Variants in LDAH observed in about 807,000 individuals in gnomAD.
LDAH encodes lipid droplet associated hydrolase.
LDAH carries 26 observed loss-of-function variants against 29.6 expected under a neutral mutation model. The observed-to-expected ratio is 0.88, with a 90% CI of 0.64 to 1.22. The LOEUF is 1.22. LDAH is among the 50% of genes most tolerant of loss of function. The pLI is 0.00. For missense variants in LDAH, 344 were observed against 387.3 expected, an observed-to-expected ratio of 0.89 and a Z score of 0.94; for synonymous variants, 117 against 133.0, an observed-to-expected ratio of 0.88 and a Z score of 0.83.
At chr2:20,785,263 G>A (rs1558476489) in intron 3 of LDAH, among the ~76,000 whole-genome samples, 2 of 152,066 alleles carry the variant, frequency 1.3e-5, no homozygotes, top group African/African-American at 2.4e-5. Context: ...CTCAGCTGCT[G>A]TTGGTCTGAA....
chr2:20,754,588 G>T (rs1035597211), intron 4 of LDAH, among the ~76,000 whole-genome samples: 1 of 150,992 alleles, frequency 6.6e-6, no homozygotes, highest in African/African-American at 2.4e-5. Context: ...TTAGGTGATT[G>T]AAATTAATAT....
In LDAH at chr2:20,686,760, G is replaced by T. The variant is rs191341965; in HGVS notation, c.*143C>A. 4.4e-6 allele frequency: 3 copies of T among 688,900 alleles called. No homozygotes were observed. Among genetic ancestry groups the T allele is most frequent in the African/African-American group, 3.6e-5 (2 of 55,234 alleles). 42.7% of individuals were successfully genotyped at this position (688,900 alleles called of 1,614,324 possible). On this transcript the variant is annotated 3_prime_UTR_variant, in exon 7 of 7. Coordinates refer to ENST00000237822, the MANE Select transcript of LDAH (RefSeq NM_021925.4). ...TGTTTACTTCAGCCTATAACATGGC[G>T]AGCGGAGAGTTGGTTTGTAAGACAA... is the stretch of plus-strand genomic sequence containing the variant.
chr2:20,775,787 A>C (rs960527679), intron 3 of LDAH, among the ~76,000 whole-genome samples: 1 of 152,168 alleles, frequency 6.6e-6, no homozygotes, highest in South Asian at 2.1e-4. Context: ...TCTGTGCTTA[A>C]TCAGTACCTC....
intron 1 of LDAH, among the ~76,000 whole-genome samples, chr2:20,809,590 C>G (rs765142310): frequency 1.3e-5 from 2 of 151,822 alleles, no homozygotes; most frequent in Non-Finnish European, 2.9e-5. Flanking sequence ...TATATATATA[C>G]ACACAGGATA....
At chr2:20,719,251 A>G (rs2149394176) in intron 5 of LDAH, among the ~76,000 whole-genome samples, 1 of 150,174 alleles carries the variant, frequency 6.7e-6, no homozygotes, top group Admixed American at 6.6e-5. Flanking sequence ...AAAGATAGAC[A>G]ATACCAACAT....
chr2:20,693,409 TA>T (rs1354085307), intron 6 of LDAH, among the ~76,000 whole-genome samples: 3 of 152,198 alleles, frequency 2.0e-5, no homozygotes, highest in Admixed American at 6.5e-5. Context: ...AAACATTTTT[TA>T]AAATATAAAA....
chr2:20,788,841 T>C, intron 3 of LDAH: 1 of 299,980 alleles, frequency 3.3e-6, no homozygotes, highest in South Asian at 3.5e-5. Context: ...TGTTTATGTT[T>C]TATAAACTTA....
chr2:20,789,281 C>T (rs533988538), intron 3 of LDAH: 475 of 1,550,170 alleles, frequency 3.1e-4, no homozygotes, highest in Non-Finnish European at 3.7e-4. Flanking sequence ...GTAGAGCCCG[C>T]GAGAGTCCCA....
intron 1 of LDAH, among the ~76,000 whole-genome samples, chr2:20,818,105 T>C (rs986343188): frequency 6.6e-6 from 1 of 152,098 alleles, no homozygotes; most frequent in Non-Finnish European, 1.5e-5. Context: ...ATAAAGTTGG[T>C]GAAATGGAAA....
chr2:20,687,192 C>A (rs927641204), intron 6 of LDAH, 98 bp from the exon 7 acceptor site: 4 of 932,326 alleles, frequency 4.3e-6, no homozygotes, highest in Non-Finnish European at 6.5e-6. Flanking sequence ...ACAGCACCTA[C>A]GCCTGACCCT....
chr2:20,801,044 T>G (rs1490871615), intron 2 of LDAH, among the ~76,000 whole-genome samples: 1 of 151,928 alleles, frequency 6.6e-6, no homozygotes, highest in East Asian at 1.9e-4. Flanking sequence ...AAAAACCACA[T>G]TACAAAACTG....
intron 3 of LDAH, among the ~76,000 whole-genome samples, chr2:20,783,553 C>T (rs1021106152): frequency 2.0e-5 from 3 of 152,140 alleles, no homozygotes; most frequent in Non-Finnish European, 2.9e-5. Flanking sequence ...CTCTTTATCC[C>T]TGACATTTTC....
intron 4 of LDAH, among the ~76,000 whole-genome samples, chr2:20,762,186 T>C (rs1329948394): frequency 6.6e-6 from 1 of 152,128 alleles, no homozygotes; most frequent in Non-Finnish European, 1.5e-5. Flanking sequence ...GGTTGGACAT[T>C]AGGATGTTTC....
intron 4 of LDAH, among the ~76,000 whole-genome samples, chr2:20,758,071 T>C (rs1166101004): frequency 1.3e-5 from 2 of 152,112 alleles, no homozygotes; most frequent in Non-Finnish European, 2.9e-5. Context: ...CCTGGACTAA[T>C]ACACAAGCAT....
intron 5 of LDAH, among the ~76,000 whole-genome samples, chr2:20,709,737 C>A (rs1271388128): frequency 1.3e-5 from 2 of 152,036 alleles, no homozygotes; most frequent in Non-Finnish European, 2.9e-5. Context: ...TCAAAGAGTG[C>A]AAACAATCTG....
intron 5 of LDAH, among the ~76,000 whole-genome samples, chr2:20,738,559 C>T (rs1572515307): frequency 2.0e-5 from 3 of 152,026 alleles, no homozygotes; most frequent in Admixed American, 1.3e-4. Context: ...GGGTCTGGAT[C>T]GGGACCCCTT....
intron 2 of LDAH, among the ~76,000 whole-genome samples, chr2:20,799,754 T>A (rs1305486776): frequency 1.3e-5 from 2 of 152,238 alleles, no homozygotes; most frequent in East Asian, 3.9e-4. Context: ...AAGTTGACTT[T>A]AAAGATCATT....
intron 1 of LDAH, among the ~76,000 whole-genome samples, chr2:20,809,146 C>A (rs929457966): frequency 1.3e-5 from 2 of 151,516 alleles, no homozygotes; most frequent in African/African-American, 2.4e-5. Flanking sequence ...AATCCCAGCA[C>A]TTTAGGAGGC....
intron 4 of LDAH, among the ~76,000 whole-genome samples, chr2:20,746,637 T>C (rs555667225): frequency 3.7e-4 from 57 of 152,230 alleles, no homozygotes; most frequent in Admixed American, 2.9e-3. Flanking sequence ...CAGTCCAAAT[T>C]TGATAAATCA....
Sources: allele counts gnomAD v4.1 joint callset (sites outside exome capture counted in the v4.1 genomes callset), GRCh38; gene constraint gnomAD v4.1.1; transcripts MANE v1.5; gene names NCBI Gene and HGNC (gene_info 2026-07-23, HGNC 2026-07-21).